The following XKR9 variants were observed in gnomAD, a reference collection of about 807,000 sequenced individuals.
The protein encoded by XKR9 is XK-related protein 9.
In XKR9, 32 loss-of-function variants were observed where a neutral mutation model predicts 32.0. That is an observed-to-expected ratio of 1.00 (90% CI 0.76 to 1.34). XKR9 has a LOEUF of 1.34. Among genes scored for constraint, XKR9 ranks in the 40% most tolerant of loss-of-function variants. The pLI, the probability that XKR9 is intolerant of heterozygous loss-of-function variation, is 0.00. For synonymous variants in XKR9, 168 were observed against 143.4 expected (o/e 1.17, Z -1.22); for missense variants, 546 against 429.7 (o/e 1.27, Z -2.39).
chr8:70,884,352 G>T, the XKR9 span, among the ~76,000 whole-genome samples: 2 of 152,010 alleles, frequency 1.3e-5, no homozygotes, highest in Non-Finnish European at 2.9e-5. Flanking sequence ...TGTGTCTTTT[G>T]TAGAGCAGAA....
At chr8:70,957,501 C>T in the XKR9 span, among the ~76,000 whole-genome samples, 7 of 152,070 alleles carry the variant, frequency 4.6e-5, no homozygotes, top group East Asian at 1.9e-4. Flanking sequence ...AACCCAGCAT[C>T]CATTAACTAT....
chr8:70,842,702 C>T, the XKR9 span, among the ~76,000 whole-genome samples: 1 of 152,236 alleles, frequency 6.6e-6, no homozygotes, highest in Non-Finnish European at 1.5e-5. Flanking sequence ...TAGCCAGTTA[C>T]TGACCATGTC....
At chr8:70,708,917 T>C (rs1184897296) in intron 4 of XKR9, among the ~76,000 whole-genome samples, 1 of 151,958 alleles carries the variant, frequency 6.6e-6, no homozygotes, top group African/African-American at 2.4e-5. Flanking sequence ...TCCAAAAAAT[T>C]GAGGCAGGAA....
chr8:71,027,783 G>GC, the XKR9 span, among the ~76,000 whole-genome samples: 6 of 50,030 alleles, frequency 1.2e-4, no homozygotes, highest in South Asian at 2.2e-3. Flanking sequence ...TTTTGGCGGG[G>GC]GGGGGGGGTC....
the XKR9 span, among the ~76,000 whole-genome samples, chr8:70,809,036 G>A: frequency 6.6e-6 from 1 of 152,222 alleles, no homozygotes; most frequent in African/African-American, 2.4e-5. Flanking sequence ...CTAACTGGTA[G>A]GCACCCCCCA....
the XKR9 span, among the ~76,000 whole-genome samples, chr8:70,978,878 A>G: frequency 2.0e-5 from 3 of 152,234 alleles, no homozygotes; most frequent in South Asian, 6.2e-4. Context: ...ACACCAATCA[A>G]GCATAGATTT....
the XKR9 span, among the ~76,000 whole-genome samples, chr8:70,859,632 T>A: frequency 6.6e-6 from 1 of 152,148 alleles, no homozygotes. Context: ...ATGGTATATA[T>A]ACACAATGGA....
chr8:71,011,436 A>G, the XKR9 span, among the ~76,000 whole-genome samples: 1 of 152,216 alleles, frequency 6.6e-6, no homozygotes, highest in East Asian at 1.9e-4. Context: ...CTTAGTGCTG[A>G]GCACAGAGAC....
At chr8:70,724,430 G>GA (rs35676207) in intron 4 of XKR9, among the ~76,000 whole-genome samples, 29,739 of 142,850 alleles carry the variant, frequency 0.21, 4,136 homozygotes, top group East Asian at 0.73. Flanking sequence ...ACTGGGGTAG[G>GA]AAAAAAAAAA....
the XKR9 span, among the ~76,000 whole-genome samples, chr8:70,839,338 G>C: frequency 6.6e-6 from 1 of 152,110 alleles, no homozygotes; most frequent in Non-Finnish European, 1.5e-5. Context: ...AATCTGCACC[G>C]TTGTCCCTGA....
At chr8:70,856,178 C>A in the XKR9 span, among the ~76,000 whole-genome samples, 32 of 152,242 alleles carry the variant, frequency 2.1e-4, no homozygotes, top group African/African-American at 7.0e-4. Context: ...AAGACACAGA[C>A]TGGCAAATTG....
the XKR9 span, among the ~76,000 whole-genome samples, chr8:71,042,840 C>T: frequency 0.1 from 15,538 of 152,106 alleles, 1,203 homozygotes; most frequent in East Asian, 0.45. Flanking sequence ...CCTGGTGCAC[C>T]CCATGCAAGA....
At chr8:70,774,718 G>T (rs1031816440) in intron 2 of XKR9, among the ~76,000 whole-genome samples, 4 of 152,020 alleles carry the variant, frequency 2.6e-5, no homozygotes, top group Non-Finnish European at 5.9e-5. Flanking sequence ...GACCCTATAT[G>T]CAATGGTCCA....
At chr8:70,724,963 C>G (rs1221603186) in intron 4 of XKR9, among the ~76,000 whole-genome samples, 1 of 152,146 alleles carries the variant, frequency 6.6e-6, no homozygotes, top group African/African-American at 2.4e-5. Flanking sequence ...GTTTAATCGA[C>G]TCACAGTTCT....
At chr8:70,841,352 G>A in the XKR9 span, among the ~76,000 whole-genome samples, 2 of 152,130 alleles carry the variant, frequency 1.3e-5, no homozygotes, top group Non-Finnish European at 2.9e-5. Flanking sequence ...ACAAATCACA[G>A]TTTGGTTTTA....
the XKR9 span, among the ~76,000 whole-genome samples, chr8:70,970,706 A>G: frequency 6.6e-6 from 1 of 152,124 alleles, no homozygotes; most frequent in African/African-American, 2.4e-5. Flanking sequence ...TTCTTTATTC[A>G]GTCTGTTATT....
the XKR9 span, among the ~76,000 whole-genome samples, chr8:70,921,758 T>A: frequency 2.4e-4 from 36 of 152,196 alleles, no homozygotes; most frequent in African/African-American, 8.0e-4. Context: ...GTGCCAAGTC[T>A]CTGCTTCTGC....
At chr8:70,871,574 T>C in the XKR9 span, among the ~76,000 whole-genome samples, 1 of 152,180 alleles carries the variant, frequency 6.6e-6, no homozygotes, top group African/African-American at 2.4e-5. Flanking sequence ...ACCACCCTCA[T>C]ATAAGAAAGC....
At chr8:70,826,476 A>G in the XKR9 span, among the ~76,000 whole-genome samples, 7 of 150,916 alleles carry the variant, frequency 4.6e-5, no homozygotes, top group African/African-American at 1.5e-4. Context: ...TTAAAGCCAG[A>G]CAAAATGGTT....
Sources: gnomAD v4.1 joint callset for allele counts (sites outside exome capture counted in the v4.1 genomes callset) on GRCh38, gnomAD v4.1.1 for gene constraint, MANE v1.5 for transcripts, NCBI Gene and HGNC (gene_info 2026-07-23, HGNC 2026-07-21) for gene names.